Variants in ZDHHC4 observed in about 807,000 individuals in gnomAD.
ZDHHC4 encodes the protein zDHHC palmitoyltransferase 4, also known as palmitoyltransferase ZDHHC4.
Under a neutral mutation model 36.7 loss-of-function variants are expected in ZDHHC4, and 42 were observed. The observed-to-expected ratio is 1.14, with a 90% CI of 0.89 to 1.48. ZDHHC4 has a LOEUF of 1.48. Ranked by LOEUF, ZDHHC4 falls within the 40% of genes most tolerant of loss-of-function variation. The probability of loss-of-function intolerance (pLI) is 0.00; values close to 1 mark genes in which losing one functional copy is unlikely to be tolerated. For synonymous variants in ZDHHC4, 189 were observed against 166.6 expected (o/e 1.13, Z -1.03); for missense variants, 457 against 421.5 (o/e 1.08, Z -0.74).
Position 6,588,729 on chromosome 7 carries a change from A to G in ZDHHC4, c.854A>G (p.Gln285Arg), listed in dbSNP as rs775175146. 6.2e-7 allele frequency: 1 copy of G among 1,614,210 alleles called. No homozygotes were observed. The highest frequency in any genetic ancestry group is 8.5e-7 in the Non-Finnish European group (1 of 1,180,040). ...GTCCTGTATCTGGCGGCCACCAACC[A>G]GACTACTAACGAGTGGTACAGAGGT... ...LFVLYLAATN[Q>R]TTNEWYRGDW... Residue 285 changes from glutamine (Q) to arginine (R), a missense_variant, in exon 8 of 8, where the codon CAG (glutamine) becomes CGG (arginine). By Grantham distance (43) the Gln-to-Arg change is conservative. Coordinates refer to ENST00000335965, the MANE Select transcript of ZDHHC4 (RefSeq NM_001134389.2).
In ZDHHC4 at chr7:6,582,214, C is replaced by T. The variant is rs1422854368; in HGVS notation, c.333C>T (p.Asn111=). The T allele has an allele frequency of 3.2e-5, 52 of 1,613,968 alleles. No homozygotes were observed. The highest frequency in any genetic ancestry group is 3.8e-5 in the Non-Finnish European group (45 of 1,179,986). The change falls in exon 5 of 8, where the codon AAC becomes AAT. Residue 111 remains asparagine, a synonymous_variant. Transcript: ENST00000335965. ...TGCCCTATCTGCTGCTAGGTGTAAA[C>T]CTGTTTTTTTTCACCCTGACTTGTG... ...LLLPYLLLGV[N]LFFFTLTCGT... is the part of the protein sequence containing the mutation.
At chr7:6,581,541 C>T in intron 3 of ZDHHC4, 66 bp from the exon 4 acceptor site, 2 of 1,260,062 alleles carry the variant, frequency 1.6e-6, no homozygotes, top group East Asian at 4.6e-5. Flanking sequence ...TGTGGAGTGT[C>T]TGATTTGTTT....
Position 6,588,842 on chromosome 7 carries a change from C to T in ZDHHC4, c.967C>T (p.Leu323Phe), listed in dbSNP as rs1221819961. The part of the protein sequence containing the change: ...QVHRNIHSHG[L>F]RSNLQEIFLP... ...CCACCGGAACATTCACTCCCATGGG[C>T]TTCGGAGCAACCTTCAAGAGATCTT... The change falls in exon 8 of 8, where the codon CTT (leucine) becomes TTT (phenylalanine). Residue 323 changes from leucine to phenylalanine, a missense_variant. Transcript: ENST00000335965. The T allele has an allele frequency of 1.9e-6, 3 of 1,613,986 alleles. No individual in the cohort carries two copies. Among genetic ancestry groups the T allele is most frequent in the Non-Finnish European group, 2.5e-6 (3 of 1,179,980 alleles).
intron 7 of ZDHHC4, 114 bp downstream of exon 7, chr7:6,585,374 A>G (rs1290635544): frequency 3.5e-6 from 5 of 1,442,988 alleles, no homozygotes; most frequent in Non-Finnish European, 4.6e-6. Flanking sequence ...CTATAATCCC[A>G]GCACTTTTGG....
chr7:6,589,079 G>T lies in ZDHHC4; in HGVS notation c.*169G>T. On this transcript the variant is annotated 3_prime_UTR_variant, in exon 8 of 8. Transcript: ENST00000335965. ...GTTGACTGAGGAATCCCCCTTGCTT[G>T]TCTTCTTTTGAAACCGGGCATCTCT... The T allele has an allele frequency of 2.5e-6, 2 of 798,898 alleles. No homozygotes were observed. The highest frequency in any genetic ancestry group is 1.8e-5 in the South Asian group (1 of 54,944). 49.5% of individuals were successfully genotyped at this position (798,898 alleles called of 1,614,324 possible).
chr7:6,582,300 A>T (rs903537213), intron 5 of ZDHHC4, 49 bp downstream of exon 5: 1 of 1,535,458 alleles, frequency 6.5e-7, no homozygotes, highest in African/African-American at 1.4e-5. Context: ...CCACTGTCTT[A>T]CTAATAGTGC....
chr7:6,580,578 T>C lies in ZDHHC4; in HGVS notation c.17T>C (p.Leu6Pro). Reference protein sequence around the residue: MDFLVLFLFYLASVLM... With the variant: MDFLVPFLFYLASVLM... ...AGCTGCAGGATGGACTTTCTGGTCC[T>C]CTTCTTGTTCTACCTGGCTTCGGTG... Residue 6 changes from leucine (L) to proline (P), a missense_variant, in exon 3 of 8, where the codon CTC becomes CCC. Transcript: ENST00000335965. The C allele has an allele frequency of 6.2e-7, 1 of 1,614,224 alleles. No homozygotes were observed. Among genetic ancestry groups the C allele is most frequent in the Non-Finnish European group, 8.5e-7 (1 of 1,180,040 alleles).
chr7:6,581,467 GC>G, intron 3 of ZDHHC4, 139 bp from the exon 4 acceptor site: 1 of 676,102 alleles, frequency 1.5e-6, no homozygotes, highest in Non-Finnish European at 2.7e-6. Context: ...TTTATTCTCT[GC>G]TAAATCACTT....
intron 2 of ZDHHC4, among the ~76,000 whole-genome samples, 190 bp from the exon 3 acceptor site, chr7:6,580,365 G>T (rs1048635433): frequency 2.6e-5 from 4 of 152,094 alleles, no homozygotes; most frequent in Non-Finnish European, 5.9e-5. Flanking sequence ...GAGGCAGCAG[G>T]CCTCTGTTAT....
rs563374750 is a variant in ZDHHC4, at chr7:6,582,288, C to T, written c.370+37C>T. 8 of 1,588,022 alleles carry T rather than the reference C, an allele frequency of 5.0e-6. No individual in the cohort carries two copies. In the East Asian group the frequency reaches 1.6e-4, roughly 31 times the overall value. ...CTCTTAGCATACAGCATGGTGACAG[C>T]TCCACTGTCTTACTAATAGTGCTGC... is the stretch of plus-strand genomic sequence containing the variant. On this transcript the variant is annotated intron_variant, in intron 5 of 7. Coordinates refer to ENST00000335965, the MANE Select transcript of ZDHHC4 (RefSeq NM_001134389.2).
intron 4 of ZDHHC4, 58 bp downstream of exon 4, chr7:6,581,738 T>G: frequency 7.2e-7 from 1 of 1,385,852 alleles, no homozygotes. Flanking sequence ...TATTAATTGT[T>G]GAGATCCTCT....
intron 6 of ZDHHC4, chr7:6,583,635 T>A: frequency 1.7e-6 from 1 of 595,726 alleles, no homozygotes; most frequent in East Asian, 3.5e-5. Flanking sequence ...ACAGTCCTCA[T>A]CTCTGGGCAT....
Position 6,583,828 on chromosome 7 carries a change from G to C in ZDHHC4, c.496+397G>C, listed in dbSNP as rs527520063. On this transcript the variant is annotated intron_variant, in intron 6 of 7. Transcript: ENST00000335965. ...GCAGCGGTTCATGCCAGGAATTCCA[G>C]TACTTTGGGAGGCAGGCAGATCTCT... 1.0e-4 allele frequency: 16 copies of C among 157,018 alleles called. 1 individual carries two copies. In the South Asian group the frequency reaches 2.3e-3, roughly 23 times the overall value. 9.7% of individuals were successfully genotyped at this position (157,018 alleles called of 1,614,324 possible).
rs758027266 is a variant in ZDHHC4 at position 6,582,111 on chromosome 7, G to A, written c.230G>A (p.Gly77Glu). Residue 77 changes from glycine to glutamate, a missense_variant, in exon 5 of 8, where the codon GGG becomes GAG. Gly to Glu is a moderately conservative substitution (Grantham distance 98). Coordinates refer to ENST00000335965, the MANE Select transcript of ZDHHC4 (RefSeq NM_001134389.2). ...TFIVLHLVLQ[G>E]MVYTEYTWEV... ...ATTGTCCTGCACCTGGTCTTGCAAG[G>A]GATGGTTTATACTGAGTACACCTGG... 6.2e-7 allele frequency: 1 copy of A among 1,613,968 alleles called. No individual in the cohort carries two copies. The highest frequency in any genetic ancestry group is 2.2e-5 in the East Asian group (1 of 44,888).
At position 6,585,244 on chromosome 7, in the gene ZDHHC4, C is replaced by T. The variant is rs755829928; in HGVS notation, c.725C>T (p.Thr242Met). The T allele has an allele frequency of 1.4e-5, 23 of 1,614,036 alleles. No individual in the cohort carries two copies. The highest frequency in any genetic ancestry group is 8.0e-5 in the African/African-American group (6 of 75,054). ...DDLGHLHVMD[T>M]VFLIQYLFLT... Reference sequence around the variant, plus strand: ...CTTGGACACCTCCATGTTATGGACACGGTCTTTCTTATTCAGGTAATTATG... The same window carrying T: ...CTTGGACACCTCCATGTTATGGACATGGTCTTTCTTATTCAGGTAATTATG... The change falls in exon 7 of 8, where the codon ACG (threonine) becomes ATG (methionine). Residue 242 changes from threonine (T) to methionine (M), a missense_variant. Transcript: ENST00000335965.
At chr7:6,578,801 T>C (rs1401477451) in intron 2 of ZDHHC4, 81 bp downstream of exon 2, 2 of 152,234 alleles carry the variant, frequency 1.3e-5, no homozygotes, top group African/African-American at 4.8e-5. Flanking sequence ...AATAGCTTCT[T>C]GTTTGGTTAT....
intron 3 of ZDHHC4, 165 bp downstream of exon 3, chr7:6,580,843 G>C: frequency 1.5e-6 from 1 of 654,172 alleles, no homozygotes; most frequent in Non-Finnish European, 2.6e-6. Context: ...CTTGAGCCAG[G>C]AGTCTGAAGT....
At chr7:6,581,132 T>G in intron 3 of ZDHHC4, 1 of 208,532 alleles carries the variant, frequency 4.8e-6, no homozygotes, top group South Asian at 6.1e-5. Context: ...GGGCACTTAA[T>G]GGGTGACTCT....
intron 7 of ZDHHC4, among the ~76,000 whole-genome samples, chr7:6,588,160 C>T (rs200722469): frequency 3.9e-5 from 6 of 152,156 alleles, no homozygotes; most frequent in African/African-American, 1.4e-4. Context: ...CCATTGCGCC[C>T]GGCCCCTGTT....
Sources: gnomAD v4.1 joint callset for allele counts (sites outside exome capture counted in the v4.1 genomes callset) on GRCh38, gnomAD v4.1.1 for gene constraint, MANE v1.5 for transcripts, NCBI Gene and HGNC (gene_info 2026-07-23, HGNC 2026-07-21) for gene names.